The following NEDD9 variants were observed in gnomAD, a reference collection of about 807,000 sequenced individuals.
NEDD9 encodes enhancer of filamentation 1.
In NEDD9, 26 loss-of-function variants were observed where a neutral mutation model predicts 76.6. That is an observed-to-expected ratio of 0.34 (90% CI 0.25 to 0.47). The LOEUF (loss-of-function observed/expected upper bound fraction) is 0.47. Among genes scored for constraint, NEDD9 ranks in the 20% least tolerant of loss-of-function variants. The pLI, the probability that NEDD9 is intolerant of heterozygous loss-of-function variation, is 1.00. For missense variants in NEDD9, 937 were observed against 1,058.5 expected (o/e 0.89, Z 1.59); for synonymous variants, 392 against 414.2 (o/e 0.95, Z 0.65).
chr6:11,378,175 G>A (rs1458319781), intron 1 of NEDD9, among the ~76,000 whole-genome samples: 1 of 152,184 alleles, frequency 6.6e-6, no homozygotes, highest in Non-Finnish European at 1.5e-5. Context: ...CCCAGGAAGT[G>A]GAGGTTGCGG....
In NEDD9 at chr6:11,213,596, T is replaced by G; in HGVS notation, c.144A>C (p.Leu48Phe). ...GGLEGWWLCS[L>F]HGRQGIVPGN... The stretch of plus-strand genomic sequence containing the variant: ...CTGGGACAATGCCTTGCCGACCGTG[T>G]AATGAGCACAGCCACCATCCTTCCA... The change falls in exon 2 of 7, where the codon TTA becomes TTC. Residue 48 changes from leucine to phenylalanine, a missense_variant. By Grantham distance (22) the Leu-to-Phe change is conservative. Coordinates refer to ENST00000379446, the MANE Select transcript of NEDD9 (RefSeq NM_006403.4). This position sits in a 1 kb window ranked among gnomAD's most constrained non-coding sequence, Gnocchi z 5.4. 6.2e-7 allele frequency: 1 copy of G among 1,614,168 alleles called. No individual in the cohort carries two copies. The highest frequency in any genetic ancestry group is 8.5e-7 in the Non-Finnish European group (1 of 1,180,024).
chr6:11,213,835 G>T lies in NEDD9; in HGVS notation c.13-108C>A. ...AGGCACACTTCCTGGAAAGAGAGAA[G>T]CATAAATCTGAACAATAGACTGTAA... On this transcript the variant is annotated intron_variant, in intron 1 of 6. Coordinates refer to ENST00000379446, the MANE Select transcript of NEDD9 (RefSeq NM_006403.4). The surrounding 1 kb of genome is among the most constrained non-coding windows in gnomAD (Gnocchi z 5.4). 1 of 972,480 alleles carries T rather than the reference G, an allele frequency of 1.0e-6. No homozygotes were observed. The highest frequency in any genetic ancestry group is 1.5e-6 in the Non-Finnish European group (1 of 652,912). The allele number at this position is 972,480 out of a possible 1,614,324, so 60.2% of individuals were successfully genotyped here. A position where few individuals can be genotyped will look rare whatever the true frequency, so the allele number is the denominator to read the frequency against.
intron 6 of NEDD9, among the ~76,000 whole-genome samples, chr6:11,186,725 C>G (rs9366748): frequency 0.55 from 82,872 of 151,990 alleles, 22,985 homozygotes; most frequent in African/African-American, 0.63. Context: ...TCACACCATT[C>G]TCCTGCCTCA....
chr6:11,313,436 G>A (rs936556334), intron 2 of NEDD9, among the ~76,000 whole-genome samples: 9 of 137,786 alleles, frequency 6.5e-5, no homozygotes, highest in Admixed American at 2.4e-4. Context: ...TGGGTGGGTG[G>A]GTGGATGAAT....
rs112340377 is a variant in NEDD9 at position 11,363,056 on chromosome 6, GA to G, written c.-214+19082del. ...TGTTCCCATTTTGAAATCCGTCTTT[GA>G]AAAAAAAAATACTAAAAGATATCTA... On this transcript the variant is annotated intron_variant, in intron 1 of 3. Coordinates refer to the NEDD9 transcript ENST00000397378. Among the ~76,000 whole-genome samples, 609 of 149,032 alleles carry G rather than the reference GA, an allele frequency of 4.1e-3. 1 individual carries two copies. Among genetic ancestry groups the G allele is most frequent in the African/African-American group, 0.013 (534 of 40,694 alleles).
At chr6:11,284,632 G>T (rs1056376776) in intron 3 of NEDD9, among the ~76,000 whole-genome samples, 1 of 151,412 alleles carries the variant, frequency 6.6e-6, no homozygotes, top group Non-Finnish European at 1.5e-5. Flanking sequence ...TTCAGCTTCG[G>T]TTATTCAAAA....
At chr6:11,366,353 AAATG>A (rs1762768471) in intron 1 of NEDD9, among the ~76,000 whole-genome samples, 1 of 151,052 alleles carries the variant, frequency 6.6e-6, no homozygotes, top group Non-Finnish European at 1.5e-5. Flanking sequence ...AGAAAGAAAG[AAATG>A]AAGAAAGAAA....
intron 1 of NEDD9, among the ~76,000 whole-genome samples, chr6:11,368,159 G>A (rs1227321875): frequency 6.6e-6 from 1 of 152,206 alleles, no homozygotes; most frequent in Non-Finnish European, 1.5e-5. Flanking sequence ...GGCCCTGATG[G>A]CTGTTTGCAA....
intron 1 of NEDD9, among the ~76,000 whole-genome samples, chr6:11,345,900 C>A (rs1318003123): frequency 1.3e-5 from 2 of 152,250 alleles, no homozygotes; most frequent in African/African-American, 2.4e-5. Flanking sequence ...TGCAGGCCAA[C>A]TGGCCTCCTG....
At chr6:11,381,671 C>G (rs1213966303) in intron 1 of NEDD9, among the ~76,000 whole-genome samples, 3 of 152,172 alleles carry the variant, frequency 2.0e-5, no homozygotes, top group Non-Finnish European at 4.4e-5. Flanking sequence ...GCACAGAATC[C>G]AATCCTCAGT....
At chr6:11,202,401 T>G (rs192432219) in intron 2 of NEDD9, among the ~76,000 whole-genome samples, 1 of 152,328 alleles carries the variant, frequency 6.6e-6, no homozygotes, top group East Asian at 1.9e-4. Flanking sequence ...TAATAACCTC[T>G]TTGTCTTAAA....
intron 3 of NEDD9, among the ~76,000 whole-genome samples, chr6:11,242,801 T>C (rs2113292763): frequency 6.6e-6 from 1 of 152,280 alleles, no homozygotes; most frequent in African/African-American, 2.4e-5. Context: ...GGAGGCCAGA[T>C]GAGCTTGTGG....
At chr6:11,314,034 T>C (rs79513772) in intron 2 of NEDD9, among the ~76,000 whole-genome samples, 2 of 152,166 alleles carry the variant, frequency 1.3e-5, no homozygotes, top group African/African-American at 4.8e-5. Flanking sequence ...GTAAAGGAAC[T>C]TGTTATAGGA....
intron 2 of NEDD9, among the ~76,000 whole-genome samples, chr6:11,206,248 G>A (rs1344202131): frequency 1.3e-5 from 2 of 151,878 alleles, no homozygotes; most frequent in African/African-American, 2.4e-5. Context: ...ATGAAACCCC[G>A]TCTCTACTAA....
Position 11,193,517 on chromosome 6 carries a change from C to T in NEDD9, c.561+74G>A, listed in dbSNP as rs1423232982. The T allele has an allele frequency of 4.2e-6, 5 of 1,192,814 alleles. No individual in the cohort carries two copies. In the African/African-American group the frequency reaches 7.6e-5, roughly 18 times the overall value. 73.9% of individuals were successfully genotyped at this position (1,192,814 alleles called of 1,614,324 possible). On this transcript the variant is annotated intron_variant, in intron 3 of 6. Coordinates refer to ENST00000379446, the MANE Select transcript of NEDD9 (RefSeq NM_006403.4). Reference sequence around the variant, plus strand: ...TATTAATGCATAATTTGTGAACTCCCTTTTCTCTACAGCCCTGAAGGAATG... The same window carrying T: ...TATTAATGCATAATTTGTGAACTCCTTTTTCTCTACAGCCCTGAAGGAATG...
Position 11,370,834 on chromosome 6 carries a change from C to T in NEDD9, c.-214+11305G>A, listed in dbSNP as rs945526519. On this transcript the variant is annotated intron_variant, in intron 1 of 3. Transcript: ENST00000397378. The surrounding 1 kb of genome is among the most constrained non-coding windows in gnomAD (Gnocchi z 4.2). ...GGCAGAAACAGACCATAAGCCAGTA[C>T]GTCAGTCTGCACGGCGTCGGGTGGT... 7.2e-5 allele frequency among the ~76,000 whole-genome samples: 11 copies of T among 152,342 alleles called. No individual in the cohort carries two copies. The highest frequency in any genetic ancestry group is 3.4e-3 in the Middle Eastern group (1 of 294).
intron 3 of NEDD9, among the ~76,000 whole-genome samples, chr6:11,297,919 T>TC (rs1760940145): frequency 6.6e-6 from 1 of 151,168 alleles, no homozygotes; most frequent in East Asian, 1.9e-4. Context: ...TTCTTTTTTT[T>TC]TTTTTGGAGA....
At position 11,199,637 on chromosome 6, in the gene NEDD9, C is replaced by CTTTTTTTTTTTTTTT. The variant is rs59651160; in HGVS notation, c.460-5960_460-5946dup. The CTTTTTTTTTTTTTTT allele has an allele frequency of 1.6e-4, 7 of 43,144 alleles. 1 individual carries two copies. The highest frequency in any genetic ancestry group is 1.1e-3 in the Admixed American group (3 of 2,694). The allele number at this position is 43,144 out of a possible 1,614,324, so 2.7% of individuals were successfully genotyped here. ...AAAATGAAGAAAAGCTAGGAAAGAT[C>CTTTTTTTTTTTTTTT]TTTTTTTTTTTTTTTTTTTTTTTTT... On this transcript the variant is annotated intron_variant, in intron 2 of 6. Coordinates refer to ENST00000379446, the MANE Select transcript of NEDD9 (RefSeq NM_006403.4).
rs575153183 is a variant in NEDD9 at position 11,190,813 on chromosome 6, C to A, written c.1056G>T (p.Pro352=). ...AGTCCCGAGAGCCTTTAGCATCTGG[C>A]GGGTTATGCAGAGGGACATCATAAA... ...DGVYDVPLHN[P]PDAKGSRDLV... Residue 352 remains proline, a synonymous_variant, in exon 5 of 7, where the codon CCG becomes CCT. Transcript: ENST00000379446. This position sits in a 1 kb window ranked among gnomAD's most constrained non-coding sequence, Gnocchi z 5.8. The A allele has an allele frequency of 1.2e-6, 2 of 1,614,088 alleles. No individual in the cohort carries two copies. The highest frequency in any genetic ancestry group is 1.1e-5 in the South Asian group (1 of 91,074).
Sources: gnomAD v4.1 joint callset for allele counts (sites outside exome capture counted in the v4.1 genomes callset) on GRCh38, gnomAD v4.1.1 for gene constraint, Gnocchi (gnomAD v3.1) non-coding constraint, MANE v1.5 for transcripts, NCBI Gene and HGNC (gene_info 2026-07-23, HGNC 2026-07-21) for gene names.